STEAP1B: variants seen among roughly 807,000 people sequenced by gnomAD.
The protein encoded by STEAP1B is STEAP family protein MGC87042.
Under a neutral mutation model 27.9 loss-of-function variants are expected in STEAP1B, and 13 were observed. That is an observed-to-expected ratio of 0.47 (90% confidence interval 0.30 to 0.74). STEAP1B has a LOEUF of 0.74. Among genes scored for constraint, STEAP1B ranks in the 30% least tolerant of loss-of-function variants. STEAP1B has a pLI of 0.06. For synonymous variants in STEAP1B, 86 were observed against 107.1 expected, an observed-to-expected ratio of 0.80 and a Z score of 1.22; for missense variants, 250 against 298.7, an observed-to-expected ratio of 0.84 and a Z score of 1.20.
At position 22,464,225 on chromosome 7, in the gene STEAP1B, A is replaced by G. The variant is rs541475108; in HGVS notation, c.762+28340T>C. Among the ~76,000 whole-genome samples, 301 of 152,338 alleles carry G rather than the reference A, an allele frequency of 2.0e-3. 1 individual carries two copies. The highest frequency in any genetic ancestry group is 6.9e-3 in the African/African-American group (285 of 41,580). On this transcript the variant is annotated intron_variant, in intron 4 of 4. Transcript: ENST00000678116. ...CGCAATGCCATTAGGAAGATTTATC[A>G]CCTGCAATGAGAAATCAGTGCTCCA...
intron 4 of STEAP1B, among the ~76,000 whole-genome samples, chr7:22,437,304 T>G (rs889330067): frequency 6.6e-6 from 1 of 152,240 alleles, no homozygotes; most frequent in African/African-American, 2.4e-5. Context: ...ATTCTCTGTT[T>G]CTATGAGTTT....
At chr7:22,449,376 A>C (rs943052126) in intron 4 of STEAP1B, among the ~76,000 whole-genome samples, 21 of 152,210 alleles carry the variant, frequency 1.4e-4, no homozygotes, top group African/African-American at 5.1e-4. Flanking sequence ...AGATCCCACA[A>C]ATAAGTGAGA....
intron 4 of STEAP1B, among the ~76,000 whole-genome samples, chr7:22,444,536 A>T (rs1034000316): frequency 4.6e-5 from 7 of 152,184 alleles, no homozygotes; most frequent in African/African-American, 1.7e-4. Flanking sequence ...TTGCAGACAC[A>T]CTACTCAAAC....
chr7:22,476,850 T>G (rs2128412340), intron 4 of STEAP1B, among the ~76,000 whole-genome samples: 1 of 152,286 alleles, frequency 6.6e-6, no homozygotes, highest in East Asian at 1.9e-4. Context: ...AAAACCTGAC[T>G]AAGGAGGAAT....
At chr7:22,487,544 A>G (rs1786231965) in intron 4 of STEAP1B, among the ~76,000 whole-genome samples, 1 of 144,324 alleles carries the variant, frequency 6.9e-6, no homozygotes, top group Admixed American at 7.1e-5. Flanking sequence ...TAATCCCAGC[A>G]TTTTAGGACG....
At chr7:22,487,959 C>T (rs919715854) in intron 4 of STEAP1B, among the ~76,000 whole-genome samples, 2 of 152,034 alleles carry the variant, frequency 1.3e-5, no homozygotes, top group African/African-American at 4.8e-5. Flanking sequence ...CAGGACTGCC[C>T]CCAGAAAACC....
Position 22,419,832 on chromosome 7 carries a change from T to G in STEAP1B, c.767A>C (p.His256Pro), listed in dbSNP as rs368014125. ...CAAGGTCAGGAAGTTGATCCTACCA[T>G]GTACCTGGAAGGCAGACAGCAAGAA... is the stretch of plus-strand genomic sequence containing the variant. Reference protein sequence around the residue: ...TWREFHYIQVHGRINFLTL With the variant: ...TWREFHYIQVPGRINFLTL Residue 256 changes from histidine (H) to proline (P), a missense_variant, in exon 5 of 5, where the codon CAT becomes CCT. His to Pro is a moderately conservative substitution (Grantham distance 77). Transcript: ENST00000678116. The G allele has an allele frequency of 6.5e-7, 1 of 1,550,058 alleles. No individual in the cohort carries two copies. Among genetic ancestry groups the G allele is most frequent in the Non-Finnish European group, 8.7e-7 (1 of 1,145,980 alleles).
Position 22,419,856 on chromosome 7 carries a change from A to G in STEAP1B, c.763-20T>C, listed in dbSNP as rs1785023568. On this transcript the variant is annotated intron_variant, in intron 4 of 4. Transcript: ENST00000678116. ...ATGTACCTGGAAGGCAGACAGCAAG[A>G]AAGAGTTGATGTATAGAAGTAGTGA... 1.9e-6 allele frequency: 3 copies of G among 1,549,168 alleles called. No homozygotes were observed. The highest frequency in any genetic ancestry group is 2.0e-5 in the Admixed American group (1 of 50,730).
At chr7:22,431,860 T>C (rs1044213902) in intron 4 of STEAP1B, among the ~76,000 whole-genome samples, 4 of 152,186 alleles carry the variant, frequency 2.6e-5, no homozygotes, top group Non-Finnish European at 5.9e-5. Context: ...CAGGCTCTGG[T>C]AACATTATTC....
rs891789508 is a variant in STEAP1B at position 22,419,636 on chromosome 7, C to A, written c.*168G>T. The A allele has an allele frequency of 6.7e-6, 4 of 598,126 alleles. No homozygotes were observed. Among genetic ancestry groups the A allele is most frequent in the Admixed American group, 3.6e-5 (1 of 27,672 alleles). 37.1% of individuals were successfully genotyped at this position (598,126 alleles called of 1,614,324 possible). ...CTCTCTCATGAGTCCGCTGGGGGAT[C>A]CACTCATCTGCCCTGCCGGATCCAT... On this transcript the variant is annotated 3_prime_UTR_variant, in exon 5 of 5. Transcript: ENST00000678116.
intron 4 of STEAP1B, among the ~76,000 whole-genome samples, chr7:22,467,292 CT>C (rs1226906513): frequency 2.6e-5 from 4 of 152,192 alleles, no homozygotes. Context: ...TTTCTTAAAT[CT>C]GCTTAAAAGC....
chr7:22,499,912 G>T (rs1387959440), intron 1 of STEAP1B, among the ~76,000 whole-genome samples: 5 of 152,328 alleles, frequency 3.3e-5, no homozygotes, highest in African/African-American at 1.2e-4. Context: ...AACCCAGCTG[G>T]GCTGGAAGAC....
At position 22,476,475 on chromosome 7, in the gene STEAP1B, A is replaced by T. The variant is rs116176423; in HGVS notation, c.762+16090T>A. On this transcript the variant is annotated intron_variant, in intron 4 of 4. Coordinates refer to ENST00000678116, the MANE Select transcript of STEAP1B (RefSeq NM_001382447.1). The stretch of plus-strand genomic sequence containing the variant: ...GCAGTTTATGGAGCATTTTCACTTA[A>T]CATCTTCCCCATAACAGACTCCACC... 4.3e-3 allele frequency among the ~76,000 whole-genome samples: 648 copies of T among 152,278 alleles called. 1 individual carries two copies. The highest frequency in any genetic ancestry group is 0.015 in the African/African-American group (624 of 41,556).
At chr7:22,435,950 G>A (rs1014283158) in intron 4 of STEAP1B, among the ~76,000 whole-genome samples, 2 of 152,208 alleles carry the variant, frequency 1.3e-5, no homozygotes, top group African/African-American at 4.8e-5. Flanking sequence ...GAGCCACTGC[G>A]TGGGCAGAAC....
chr7:22,480,414 C>T (rs1786048230), intron 4 of STEAP1B, among the ~76,000 whole-genome samples: 1 of 152,112 alleles, frequency 6.6e-6, no homozygotes, highest in Non-Finnish European at 1.5e-5. Context: ...GTGGTTATTC[C>T]ACAAAGGCGA....
chr7:22,439,332 T>G (rs557923980), intron 4 of STEAP1B, among the ~76,000 whole-genome samples: 3 of 152,202 alleles, frequency 2.0e-5, no homozygotes, highest in Non-Finnish European at 2.9e-5. Flanking sequence ...TACCTGCACA[T>G]GTGATGGCTA....
chr7:22,450,478 TCA>T (rs1269015280), intron 4 of STEAP1B, among the ~76,000 whole-genome samples: 2 of 152,198 alleles, frequency 1.3e-5, no homozygotes, highest in African/African-American at 4.8e-5. Flanking sequence ...GAAAATAAGT[TCA>T]CTGTAGGTGT....
rs188635319 is a variant in STEAP1B at position 22,499,633 on chromosome 7, G to A, written c.-32+481C>T. 2.7e-3 allele frequency among the ~76,000 whole-genome samples: 411 copies of A among 152,250 alleles called. 2 individuals are homozygous for A. Among genetic ancestry groups the A allele is most frequent in the African/African-American group, 9.7e-3 (402 of 41,544 alleles). On this transcript the variant is annotated intron_variant, in intron 1 of 4. Transcript: ENST00000678116. ...TTGGAGGGAACCTGAACCCCACCCA[G>A]ATCCTGAAAGAGTAGGGCCAGTGTT...
intron 4 of STEAP1B, among the ~76,000 whole-genome samples, chr7:22,428,170 T>TG (rs1785132670): frequency 6.6e-6 from 1 of 152,180 alleles, no homozygotes; most frequent in South Asian, 2.1e-4. Flanking sequence ...CTGAGAGAGC[T>TG]GTCAGCCACC....
Sources: gnomAD v4.1 joint callset for allele counts (sites outside exome capture counted in the v4.1 genomes callset) on GRCh38, gnomAD v4.1.1 for gene constraint, MANE v1.5 for transcripts, NCBI Gene and HGNC (gene_info 2026-07-23, HGNC 2026-07-21) for gene names.